CDH13: variants seen among roughly 807,000 people sequenced by gnomAD.
CDH13 encodes cadherin-13.
CDH13 carries 24 observed loss-of-function variants against 63.8 expected under a neutral mutation model. That is an observed-to-expected ratio of 0.38 (90% confidence interval 0.27 to 0.53). The LOEUF is 0.53. Ranked by LOEUF, CDH13 falls within the 20% of genes least tolerant of loss-of-function variation. The pLI is 0.85. For synonymous variants in CDH13, 503 were observed against 355.3 expected (o/e 1.42, Z -4.67); for missense variants, 1,049 against 903.1 (o/e 1.16, Z -2.07).
intron 6 of CDH13, among the ~76,000 whole-genome samples, chr16:83,439,716 G>T (rs1429308925): frequency 6.6e-6 from 1 of 152,186 alleles, no homozygotes; most frequent in Non-Finnish European, 1.5e-5. Context: ...TCATAGAGTG[G>T]CCTTATCTGA....
chr16:83,081,687 AAGAGAGAGAGAGAG>A (rs879394499), intron 3 of CDH13, among the ~76,000 whole-genome samples: 4 of 149,920 alleles, frequency 2.7e-5, no homozygotes, highest in Non-Finnish European at 4.5e-5. Flanking sequence ...TCACACAGTA[AAGAGAGAGAGAGAG>A]AGAGAAAGAG....
In CDH13 at chr16:83,026,500, A is replaced by G. The variant is rs915040693; in HGVS notation, c.158-5510A>G. ...GTGAAATAGGTTCGAGGGTGGGGGG[A>G]CAAAAATTGCACTTACAAATGTAAA... On this transcript the variant is annotated intron_variant, in intron 2 of 13. Transcript: ENST00000567109. Among the ~76,000 whole-genome samples, 3 of 151,726 alleles carry G rather than the reference A, an allele frequency of 2.0e-5. No individual in the cohort carries two copies. In the East Asian group the frequency reaches 5.9e-4, roughly 30 times the overall value.
intron 7 of CDH13, among the ~76,000 whole-genome samples, chr16:83,544,084 C>T (rs1237508106): frequency 6.6e-6 from 1 of 152,140 alleles, no homozygotes; most frequent in Non-Finnish European, 1.5e-5. Flanking sequence ...AGGTGGGGTG[C>T]TCTGTGCAGT....
intron 6 of CDH13, among the ~76,000 whole-genome samples, chr16:83,485,586 C>G (rs577959432): frequency 7.9e-5 from 12 of 152,232 alleles, no homozygotes; most frequent in Admixed American, 2.0e-4. Flanking sequence ...CCTTTTTGCT[C>G]TGAGGTCCCT....
At chr16:83,094,035 A>T (rs1256843855) in intron 3 of CDH13, among the ~76,000 whole-genome samples, 1 of 152,204 alleles carries the variant, frequency 6.6e-6, no homozygotes, top group Non-Finnish European at 1.5e-5. Context: ...TTGGGTAAAG[A>T]GGTAGACCCA....
chr16:82,655,632 G>T (rs1038404774), intron 1 of CDH13, among the ~76,000 whole-genome samples: 1 of 152,150 alleles, frequency 6.6e-6, no homozygotes, highest in Non-Finnish European at 1.5e-5. Flanking sequence ...TTGTTTTTAT[G>T]TGCAGCAGAG....
At chr16:82,748,985 G>C (rs924404530) in intron 1 of CDH13, among the ~76,000 whole-genome samples, 1 of 152,200 alleles carries the variant, frequency 6.6e-6, no homozygotes, top group African/African-American at 2.4e-5. Context: ...TATGGCAAAT[G>C]AGAGTTCTTT....
At chr16:83,207,065 T>C (rs913398261) in intron 4 of CDH13, among the ~76,000 whole-genome samples, 4 of 152,352 alleles carry the variant, frequency 2.6e-5, no homozygotes, top group South Asian at 2.1e-4. Context: ...AAAAGATAGA[T>C]AAATATGGAA....
At chr16:83,498,923 A>T (rs1053396762) in intron 7 of CDH13, among the ~76,000 whole-genome samples, 1 of 152,198 alleles carries the variant, frequency 6.6e-6, no homozygotes, top group African/African-American at 2.4e-5. Context: ...GAGGCTATGG[A>T]GAACAGACTC....
intron 6 of CDH13, among the ~76,000 whole-genome samples, chr16:83,368,772 G>A (rs1005687695): frequency 6.6e-6 from 1 of 150,466 alleles, no homozygotes; most frequent in African/African-American, 2.4e-5. Flanking sequence ...TATGACATTC[G>A]ATTTTCCATT....
At chr16:83,059,938 T>G (rs1488735433) in intron 3 of CDH13, among the ~76,000 whole-genome samples, 4 of 151,484 alleles carry the variant, frequency 2.6e-5, no homozygotes, top group Non-Finnish European at 5.9e-5. Flanking sequence ...GGACTACAGG[T>G]GCCCGCCAGC....
chr16:82,766,289 G>A (rs550611417), intron 1 of CDH13, among the ~76,000 whole-genome samples: 4 of 152,252 alleles, frequency 2.6e-5, no homozygotes, highest in Admixed American at 6.5e-5. Flanking sequence ...TGCAAAACCC[G>A]TAAATCCGTA....
intron 3 of CDH13, among the ~76,000 whole-genome samples, 188 bp from the exon 4 acceptor site, chr16:83,125,197 T>C (rs1222177989): frequency 6.6e-6 from 1 of 152,192 alleles, no homozygotes; most frequent in Non-Finnish European, 1.5e-5. Context: ...ATAGTTATAG[T>C]GAATAACAAT....
intron 1 of CDH13, among the ~76,000 whole-genome samples, chr16:82,847,538 C>G (rs188124067): frequency 8.5e-5 from 13 of 152,302 alleles, no homozygotes; most frequent in African/African-American, 9.6e-5. Flanking sequence ...CTTCCATTTT[C>G]AAAGATACCT....
chr16:83,502,797 G>A (rs1176651782), intron 7 of CDH13, among the ~76,000 whole-genome samples: 1 of 152,156 alleles, frequency 6.6e-6, no homozygotes, highest in African/African-American at 2.4e-5. Context: ...ATAAAATAAT[G>A]GTGAGACTTG....
chr16:83,738,547 C>T (rs529006318), intron 10 of CDH13, among the ~76,000 whole-genome samples: 1 of 152,292 alleles, frequency 6.6e-6, no homozygotes, highest in Admixed American at 6.5e-5. Context: ...TACCACTGTG[C>T]CTACAAGAGC....
At chr16:83,274,844 G>A (rs1208620229) in intron 5 of CDH13, among the ~76,000 whole-genome samples, 1 of 152,128 alleles carries the variant, frequency 6.6e-6, no homozygotes, top group African/African-American at 2.4e-5. Context: ...CTCCCAGGAT[G>A]AATTTTGATT....
chr16:82,696,969 T>C (rs1303076051), intron 1 of CDH13, among the ~76,000 whole-genome samples: 1 of 152,172 alleles, frequency 6.6e-6, no homozygotes, highest in Non-Finnish European at 1.5e-5. Flanking sequence ...TGCATAGGAC[T>C]CTTAAGGTAT....
chr16:83,407,389 TC>T (rs1358790465), intron 6 of CDH13, among the ~76,000 whole-genome samples: 8 of 152,214 alleles, frequency 5.3e-5, no homozygotes, highest in African/African-American at 1.9e-4. Flanking sequence ...GTTAGCACCA[TC>T]CTCATATAAA....
Sources: allele counts gnomAD v4.1 joint callset (sites outside exome capture counted in the v4.1 genomes callset), GRCh38; gene constraint gnomAD v4.1.1; transcripts MANE v1.5; gene names NCBI Gene and HGNC (gene_info 2026-07-23, HGNC 2026-07-21).